MDH2: variants seen among roughly 807,000 people sequenced by gnomAD.
The protein encoded by MDH2 is malate dehydrogenase 2, also known as malate dehydrogenase, mitochondrial.
Under a neutral mutation model 33.6 loss-of-function variants are expected in MDH2, and 25 were observed. The observed-to-expected ratio is 0.74, with a 90% CI of 0.54 to 1.04. The LOEUF is 1.04. Among genes scored for constraint, MDH2 ranks in the 50% least tolerant of loss-of-function variants. The probability of loss-of-function intolerance (pLI) is 0.00; values close to 1 mark genes in which losing one functional copy is unlikely to be tolerated. For synonymous variants in MDH2, 193 were observed against 188.7 expected, an observed-to-expected ratio of 1.02 and a Z score of -0.19; for missense variants, 432 against 445.0, an observed-to-expected ratio of 0.97 and a Z score of 0.26.
intron 5 of MDH2, 107 bp downstream of exon 5, chr7:76,060,605 A>C: frequency 6.7e-7 from 1 of 1,484,756 alleles, no homozygotes; most frequent in South Asian, 1.3e-5. Flanking sequence ...GTCACGTGTC[A>C]CTTTGGGGTT....
intron 2 of MDH2, 101 bp downstream of exon 2, chr7:76,055,099 G>A (rs1585402789): frequency 5.3e-6 from 7 of 1,321,438 alleles, no homozygotes; most frequent in South Asian, 1.6e-5. Context: ...GTTTAGAGAC[G>A]GGGGTTTCTC....
rs1554584386 is a variant in MDH2, at chr7:76,048,114, G to A, written c.-47G>A. 2.6e-6 allele frequency: 4 copies of A among 1,536,484 alleles called. No homozygotes were observed. The highest frequency in any genetic ancestry group is 2.0e-5 in the Admixed American group (1 of 51,008). On this transcript the variant is annotated 5_prime_UTR_variant, in exon 1 of 9. Transcript: ENST00000315758. ...TGGAGGTCGTTGGAGTCACTTCCCC[G>A]TCACCAGCTCCTGTGCCTGCCAGTC...
chr7:76,053,788 G>A (rs1797688062), intron 1 of MDH2, among the ~76,000 whole-genome samples: 1 of 152,140 alleles, frequency 6.6e-6, no homozygotes, highest in Non-Finnish European at 1.5e-5. Context: ...CTTCTCATTT[G>A]TGAGTTTAGA....
chr7:76,064,956 A>G lies in MDH2; in HGVS notation c.885+3A>G, dbSNP rs782807520. ...TCTCCACACCGCTGCTGCTTGGGGT[A>G]CGTATCCAGGCGTGGGTCCTTCTGA... On this transcript the variant is annotated splice_donor_region_variant and intron_variant, in intron 8 of 8. Coordinates refer to ENST00000315758, the MANE Select transcript of MDH2 (RefSeq NM_005918.4). The G allele has an allele frequency of 6.2e-6, 10 of 1,613,914 alleles. No individual in the cohort carries two copies. Among genetic ancestry groups the G allele is most frequent in the Admixed American group, 1.7e-5 (1 of 59,990 alleles).
intron 4 of MDH2, 127 bp from the exon 5 acceptor site, chr7:76,060,246 G>C: frequency 7.8e-7 from 1 of 1,288,584 alleles, no homozygotes; most frequent in Non-Finnish European, 1.1e-6. Flanking sequence ...AGACAGGGCA[G>C]TTTAATGTGG....
chr7:76,055,598 G>A (rs782201202), intron 2 of MDH2, among the ~76,000 whole-genome samples: 6 of 151,450 alleles, frequency 4.0e-5, no homozygotes, highest in East Asian at 2.0e-4. Flanking sequence ...TTAGCTGGGC[G>A]TGATAGTGCA....
At chr7:76,061,216 CCTTT>C (rs2116687819) in intron 5 of MDH2, among the ~76,000 whole-genome samples, 1 of 152,302 alleles carries the variant, frequency 6.6e-6, no homozygotes, top group East Asian at 1.9e-4. Context: ...GAGCTTCAGG[CCTTT>C]TTGTTCTGAT....
At chr7:76,057,382 C>A in intron 2 of MDH2, 28 bp from the exon 3 acceptor site, 1 of 1,613,012 alleles carries the variant, frequency 6.2e-7, no homozygotes. Flanking sequence ...GAAACGGTGA[C>A]ATTTCTCTTG....
intron 1 of MDH2, among the ~76,000 whole-genome samples, chr7:76,049,600 CA>C (rs1353896360): frequency 2.0e-5 from 3 of 151,996 alleles, no homozygotes; most frequent in Admixed American, 6.6e-5. Context: ...AAAGAGAGGA[CA>C]GGGGTGTCCA....
At chr7:76,059,987 G>T (rs189714423) in intron 4 of MDH2, among the ~76,000 whole-genome samples, 2 of 152,296 alleles carry the variant, frequency 1.3e-5, no homozygotes, top group Admixed American at 1.3e-4. Flanking sequence ...TAGCACAGAG[G>T]GACTGAGCTG....
rs148832552 is a variant in MDH2 at position 76,066,209 on chromosome 7, G to A, written c.886-70G>A. ...GACTCCTCGGCAGGGCTGATGGAGC[G>A]ACAGGTCGGGGTTTCTCTAACAAGC... On this transcript the variant is annotated intron_variant, in intron 8 of 8. Coordinates refer to ENST00000315758, the MANE Select transcript of MDH2 (RefSeq NM_005918.4). 1.4e-3 allele frequency: 2,241 copies of A among 1,562,794 alleles called. 27 individuals carry two copies. In the African/African-American group the frequency reaches 0.023, roughly 16 times the overall value.
chr7:76,053,603 C>A (rs782245708), intron 1 of MDH2, among the ~76,000 whole-genome samples: 1 of 152,144 alleles, frequency 6.6e-6, no homozygotes, highest in Non-Finnish European at 1.5e-5. Flanking sequence ...GTTTTGGTTT[C>A]TGATAACCAA....
intron 8 of MDH2, among the ~76,000 whole-genome samples, chr7:76,065,765 G>A (rs1198534575): frequency 6.6e-6 from 1 of 152,202 alleles, no homozygotes; most frequent in Non-Finnish European, 1.5e-5. Flanking sequence ...GTGAGACGGT[G>A]GCAGAGATGC....
Position 76,058,026 on chromosome 7 carries a change from C to T in MDH2, c.377C>T (p.Ala126Val). The stretch of plus-strand genomic sequence containing the variant: ...GCCACGATTGTGGCCACCCTGACCG[C>T]TGCCTGTGCCCAGCACTGCCCGGAA... ...TNATIVATLT[A>V]ACAQHCPEAM... The change falls in exon 4 of 9, where the codon GCT becomes GTT. Residue 126 changes from alanine to valine, a missense_variant. By Grantham distance (64) the Ala-to-Val change is moderately conservative (BLOSUM62 0). Transcript: ENST00000315758. 1 of 1,614,010 alleles carries T rather than the reference C, an allele frequency of 6.2e-7. No homozygotes were observed.
At chr7:76,049,208 T>C (rs1797501224) in intron 1 of MDH2, among the ~76,000 whole-genome samples, 2 of 152,190 alleles carry the variant, frequency 1.3e-5, no homozygotes, top group Admixed American at 1.3e-4. Context: ...CCCATACCCA[T>C]CGCAAGTTGG....
chr7:76,060,458 T>C lies in MDH2; in HGVS notation c.515T>C (p.Leu172Pro). The C allele has an allele frequency of 1.2e-6, 2 of 1,614,168 alleles. No homozygotes were observed. Among genetic ancestry groups the C allele is most frequent in the Non-Finnish European group, 1.7e-6 (2 of 1,180,032 alleles). ...NPNKIFGVTT[L>P]DIVRANTFVA... The stretch of plus-strand genomic sequence containing the variant: ...AACAAAATCTTCGGCGTGACGACCC[T>C]GGACATCGTCAGAGCCAACACCTTT... Residue 172 changes from leucine (L) to proline (P), a missense_variant, in exon 5 of 9, where the codon CTG (leucine) becomes CCG (proline). Physicochemically the swap from Leu to Pro is moderately conservative, Grantham distance 98 (BLOSUM62 -3). Coordinates refer to ENST00000315758, the MANE Select transcript of MDH2 (RefSeq NM_005918.4).
chr7:76,048,415 G>A, intron 1 of MDH2, 189 bp downstream of exon 1: 1 of 1,143,902 alleles, frequency 8.7e-7, no homozygotes, highest in Non-Finnish European at 1.2e-6. Flanking sequence ...AGAAAGCCGG[G>A]GAAAAGGGGG....
intron 2 of MDH2, among the ~76,000 whole-genome samples, chr7:76,056,786 G>A (rs141274875): frequency 2.3e-4 from 35 of 152,294 alleles, no homozygotes; most frequent in African/African-American, 7.5e-4. Flanking sequence ...GCCAAGGTGG[G>A]TGGATCACTT....
chr7:76,060,902 C>A (rs1554586920), intron 5 of MDH2, among the ~76,000 whole-genome samples: 1 of 151,854 alleles, frequency 6.6e-6, no homozygotes, highest in African/African-American at 2.4e-5. Context: ...AATTAGCAAA[C>A]ATGAAGAACT....
Sources: gnomAD v4.1 joint callset for allele counts (sites outside exome capture counted in the v4.1 genomes callset) on GRCh38, gnomAD v4.1.1 for gene constraint, MANE v1.5 for transcripts, NCBI Gene and HGNC (gene_info 2026-07-23, HGNC 2026-07-21) for gene names.